Variants in CSF1R observed in about 807,000 individuals in gnomAD.
The protein encoded by CSF1R is macrophage colony-stimulating factor 1 receptor.
Under a neutral mutation model 110.0 loss-of-function variants are expected in CSF1R, and 40 were observed. That is an observed-to-expected ratio of 0.36 (90% CI 0.28 to 0.47). The LOEUF (loss-of-function observed/expected upper bound fraction) is 0.47, where lower values mean the gene tolerates loss of function less well. Among genes scored for constraint, CSF1R ranks in the 20% least tolerant of loss-of-function variants. The probability of loss-of-function intolerance (pLI) is 0.99; values close to 1 mark genes in which losing one functional copy is unlikely to be tolerated. For synonymous variants in CSF1R, 523 were observed against 503.4 expected (o/e 1.04, Z -0.52); for missense variants, 1,052 against 1,253.0 (o/e 0.84, Z 2.42).
At chr5:150,067,097 T>A (rs906186921) in intron 10 of CSF1R, 1 of 152,364 alleles carries the variant, frequency 6.6e-6, no homozygotes, top group African/African-American at 2.4e-5. Flanking sequence ...TCTGATCACA[T>A]TGCACATGGT....
At chr5:150,108,148 G>A (rs1164803601) in intron 1 of CSF1R, among the ~76,000 whole-genome samples, 1 of 152,214 alleles carries the variant, frequency 6.6e-6, no homozygotes, top group Non-Finnish European at 1.5e-5. Flanking sequence ...GCGTAAGAGT[G>A]CACAGGGTAT....
At chr5:150,092,880 T>C (rs1166725295) in intron 1 of CSF1R, among the ~76,000 whole-genome samples, 1 of 152,096 alleles carries the variant, frequency 6.6e-6, no homozygotes, top group Non-Finnish European at 1.5e-5. Context: ...AATAATACAA[T>C]AAGACAATTA....
In CSF1R at chr5:150,105,376, ATATATATATTTT is replaced by A. The variant is rs1458367809; in HGVS notation, c.-181+7873_-181+7884del. On this transcript the variant is annotated intron_variant, in intron 1 of 21. Transcript: ENST00000286301. ...AAAAAAAAAAAAAATATATATATAT[ATATATATATTTT>A]TTTTTTTTTAATAGAGGCGGGGTTA... Among the ~76,000 whole-genome samples the A allele has an allele frequency of 6.6e-3, 620 of 93,420 alleles. 3 individuals carry two copies. The highest frequency in any genetic ancestry group is 0.023 in the Middle Eastern group (4 of 172). 61.3% of individuals were successfully genotyped at this position (93,420 alleles called of 152,430 possible).
intron 1 of CSF1R, among the ~76,000 whole-genome samples, chr5:150,100,243 G>C (rs972315202): frequency 6.6e-6 from 1 of 151,628 alleles, no homozygotes. Context: ...CAGTGGGGAT[G>C]GGGGAGGGAA....
chr5:150,090,354 A>G (rs1759000696), upstream of CSF1R, among the ~76,000 whole-genome samples: 1 of 152,320 alleles, frequency 6.6e-6, no homozygotes, highest in Admixed American at 6.5e-5. Flanking sequence ...TGACAAATAT[A>G]TATAACAATG....
chr5:150,108,597 T>C (rs1166004367), intron 1 of CSF1R, among the ~76,000 whole-genome samples: 2 of 152,204 alleles, frequency 1.3e-5, no homozygotes, highest in Non-Finnish European at 2.9e-5. Flanking sequence ...TTTTCAGATG[T>C]GGAAGCTTCC....
intron 1 of CSF1R, chr5:150,094,469 C>G (rs1759148340): frequency 1.9e-6 from 3 of 1,598,514 alleles, no homozygotes; most frequent in Admixed American, 3.3e-5. Context: ...AAGCAAAGCA[C>G]TATCACAAGG....
chr5:150,098,113 G>T (rs77572980), intron 1 of CSF1R, among the ~76,000 whole-genome samples: 3,579 of 152,188 alleles, frequency 0.024, 153 homozygotes, highest in African/African-American at 0.082. Flanking sequence ...TTTTGACAAA[G>T]TTGCAAAAGT....
chr5:150,096,885 G>C (rs1040166117), intron 1 of CSF1R, among the ~76,000 whole-genome samples: 2 of 152,288 alleles, frequency 1.3e-5, no homozygotes, highest in Admixed American at 6.5e-5. Flanking sequence ...CCTCTAAGAT[G>C]AGAAACAAGG....
rs1474228203 is a variant in CSF1R at position 150,053,983 on chromosome 5, G to T, written c.*86C>A. On this transcript the variant is annotated 3_prime_UTR_variant, in exon 21 of 21. Transcript: ENST00000675795. ...GTTGAGTGAAATGACCGAAGGCAGA[G>T]TTTGTATGTTCTCCCCGTGTCGCCC... 2 of 1,362,568 alleles carry T rather than the reference G, an allele frequency of 1.5e-6. No individual in the cohort carries two copies. The highest frequency in any genetic ancestry group is 2.1e-6 in the Non-Finnish European group (2 of 974,684). The allele number at this position is 1,362,568 out of a possible 1,614,324, so 84.4% of individuals were successfully genotyped here.
chr5:150,078,396 C>T, intron 3 of CSF1R, 148 bp from the exon 4 acceptor site: 1 of 1,005,288 alleles, frequency 9.9e-7, no homozygotes, highest in Non-Finnish European at 1.4e-6. Context: ...TTGATGCTCC[C>T]AGTCCCCCCA....
At chr5:150,060,830 G>A in intron 13 of CSF1R, 32 bp downstream of exon 13, 1 of 1,481,120 alleles carries the variant, frequency 6.8e-7, no homozygotes, top group East Asian at 2.3e-5. Context: ...GAGGCCCCAA[G>A]ACCTTGGCCC....
chr5:150,110,142 G>T (rs1227943407), intron 1 of CSF1R, among the ~76,000 whole-genome samples: 1 of 151,960 alleles, frequency 6.6e-6, no homozygotes, highest in Non-Finnish European at 1.5e-5. Context: ...CCACCTGTTC[G>T]TATCCACCTT....
At chr5:150,079,498 T>G (rs1399706375) in intron 3 of CSF1R, among the ~76,000 whole-genome samples, 2 of 151,982 alleles carry the variant, frequency 1.3e-5, no homozygotes, top group African/African-American at 2.4e-5. Context: ...GCACCCACCA[T>G]CTCCTCCCTG....
intron 6 of CSF1R, 142 bp downstream of exon 6, chr5:150,073,159 G>T: frequency 1.3e-6 from 1 of 760,582 alleles, no homozygotes; most frequent in Non-Finnish European, 2.1e-6. Flanking sequence ...CATGAAGTCA[G>T]GGAAAGCGAA....
Position 150,054,179 on chromosome 5 carries a change from T to C in CSF1R, c.2809A>G (p.Ser937Gly), listed in dbSNP as rs751214166. 7.4e-6 allele frequency: 12 copies of C among 1,612,692 alleles called. No homozygotes were observed. The highest frequency in any genetic ancestry group is 4.5e-5 in the East Asian group (2 of 44,768). Residue 937 changes from serine to glycine, a missense_variant, in exon 21 of 21, where the codon AGC (serine) becomes GGC (glycine). This residue lies in a region of CSF1R where 85 missense variants were observed against 78.8 expected (regional missense o/e 1.08). Coordinates refer to ENST00000675795, the MANE Select transcript of CSF1R (RefSeq NM_001288705.3). ...TCCTCCTCCAGCTCACTGCTGCTGC[T>C]GCCGCTGCCACCGCTTCTGCTGCTG... ...PSSSRSGGSG[S>G]SSSELEEESS...
intron 1 of CSF1R, among the ~76,000 whole-genome samples, chr5:150,111,049 T>C (rs1759701881): frequency 1.3e-5 from 2 of 152,238 alleles, no homozygotes; most frequent in East Asian, 1.9e-4. Context: ...AAAAGGCATA[T>C]TCAAAGACAG....
chr5:150,073,582 C>A, intron 5 of CSF1R, 89 bp from the exon 6 acceptor site: 1 of 1,364,890 alleles, frequency 7.3e-7, no homozygotes, highest in Admixed American at 1.9e-5. Context: ...TTGATCCAGT[C>A]CCTGAGCAGC....
At chr5:150,087,162 G>A (rs981450132), upstream of CSF1R, among the ~76,000 whole-genome samples, 2 of 152,132 alleles carry the variant, frequency 1.3e-5, no homozygotes, top group African/African-American at 4.8e-5. Flanking sequence ...CGTGTCTGCT[G>A]CAGAATCTGA....
Sources: allele counts gnomAD v4.1 joint callset (sites outside exome capture counted in the v4.1 genomes callset), GRCh38; gene constraint gnomAD v4.1.1; regional missense constraint gnomAD v4.1.1; transcripts MANE v1.5; gene names NCBI Gene and HGNC (gene_info 2026-07-23, HGNC 2026-07-21).